Variants in IFIT3 observed in about 807,000 individuals in gnomAD.
IFIT3 encodes interferon induced protein with tetratricopeptide repeats 3.
In IFIT3, 2 loss-of-function variants were observed where a neutral mutation model predicts 2.4. The observed-to-expected ratio is 0.82, with a 90% CI of 0.34 to 2.60. The LOEUF is 2.60. Ranked by LOEUF, IFIT3 falls within the 30% of genes most tolerant of loss-of-function variation. IFIT3 has a pLI of 0.11. For synonymous variants in IFIT3, 203 were observed against 212.1 expected, an observed-to-expected ratio of 0.96 and a Z score of 0.37; for missense variants, 481 against 562.4, an observed-to-expected ratio of 0.86 and a Z score of 1.46.
At position 89,339,000 on chromosome 10, in the gene IFIT3, T is replaced by A; in HGVS notation, c.345T>A (p.Ile115=). 6.2e-7 allele frequency: 1 copy of A among 1,614,156 alleles called. No individual in the cohort carries two copies. Among genetic ancestry groups the A allele is most frequent in the Non-Finnish European group, 8.5e-7 (1 of 1,180,026 alleles). ...TGGGCAGACTCTCAGATGCTCAGATTTATGTAGATAAGGTGAAACAAACCT... is the reference window on the plus strand; with the variant it reads ...TGGGCAGACTCTCAGATGCTCAGATATATGTAGATAAGGTGAAACAAACCT... The part of the protein sequence containing the change: ...YHLGRLSDAQ[I]YVDKVKQTCK... The change falls in exon 2 of 2, where the codon ATT becomes ATA. Residue 115 remains isoleucine, a synonymous_variant. Transcript: ENST00000371818.
intron 1 of IFIT3, chr10:89,335,666 G>A (rs1006072978): frequency 7.7e-5 from 8 of 104,062 alleles, no homozygotes; most frequent in African/African-American, 3.1e-4. Flanking sequence ...AGGTCCACTG[G>A]ATACTCTCTA....
At position 89,340,121 on chromosome 10, in the gene IFIT3, T is replaced by A; in HGVS notation, c.1466T>A (p.Leu489Gln). The A allele has an allele frequency of 6.3e-7, 1 of 1,591,536 alleles. No individual in the cohort carries two copies. The highest frequency in any genetic ancestry group is 8.6e-7 in the Non-Finnish European group (1 of 1,167,812). Residue 489 changes from leucine to glutamine, a missense_variant, in exon 2 of 2, where the codon CTG becomes CAG. Transcript: ENST00000371818. ...GAGCTCCTCTCTAACTCAGAGCAAC[T>A]GAACTGAGACAGAGGAGGAAAACAG... is the stretch of plus-strand genomic sequence containing the variant. ...PRELLSNSEQ[L>Q]N
chr10:89,334,807 T>C (rs558066150), intron 1 of IFIT3, among the ~76,000 whole-genome samples: 3 of 152,232 alleles, frequency 2.0e-5, no homozygotes, highest in African/African-American at 7.2e-5. Context: ...CTGTTCTTTA[T>C]CAAGTGACTG....
rs2133572663 is a variant in IFIT3, at chr10:89,339,963, A to T, written c.1308A>T (p.Lys436Asn). ...ATGGAGATCTGCTGCAAGCAGCCAA[A>T]TGTTATGAGAAGGAACTGGGCCGCC... is the stretch of plus-strand genomic sequence containing the variant. ...KQNGDLLQAA[K>N]CYEKELGRLL... is the part of the protein sequence containing the mutation. Residue 436 changes from lysine to asparagine, a missense_variant, in exon 2 of 2, where the codon AAA becomes AAT. Lys to Asn is a moderately conservative substitution (Grantham distance 94, BLOSUM62 0). Transcript: ENST00000371818. 1 of 1,614,214 alleles carries T rather than the reference A, an allele frequency of 6.2e-7. No individual in the cohort carries two copies. The highest frequency in any genetic ancestry group is 1.6e-4 in the Middle Eastern group (1 of 6,062).
intron 1 of IFIT3, chr10:89,332,374 T>A (rs1007587681): frequency 2.4e-6 from 2 of 848,736 alleles, no homozygotes; most frequent in African/African-American, 3.5e-5. Flanking sequence ...CAAACCACAG[T>A]TTTCCAAATC....
intron 1 of IFIT3, among the ~76,000 whole-genome samples, chr10:89,335,009 C>CACAGCCACAGGAGG (rs1843713421): frequency 6.6e-6 from 1 of 152,038 alleles, no homozygotes; most frequent in Non-Finnish European, 1.5e-5. Context: ...TAATGAAAAC[C>CACAGCCACAGGAGG]TCCTGACCTG....
At chr10:89,328,244 C>CT (rs1564787022) in intron 1 of IFIT3, among the ~76,000 whole-genome samples, 166 bp downstream of exon 1, 1 of 152,094 alleles carries the variant, frequency 6.6e-6, no homozygotes, top group Admixed American at 6.6e-5. Flanking sequence ...TTCCCTGTGG[C>CT]TTTTTTTGGT....
chr10:89,336,239 G>A (rs544657447), intron 1 of IFIT3, among the ~76,000 whole-genome samples: 1 of 152,054 alleles, frequency 6.6e-6, no homozygotes, highest in African/African-American at 2.4e-5. Flanking sequence ...GGGAGGGAAA[G>A]AAGGAAGGAA....
At chr10:89,331,778 G>A (rs1843654290) in intron 1 of IFIT3, among the ~76,000 whole-genome samples, 1 of 149,898 alleles carries the variant, frequency 6.7e-6, no homozygotes, top group Non-Finnish European at 1.5e-5. Context: ...AGGATCGCTT[G>A]AGCCTGGGAG....
chr10:89,338,915 A>T lies in IFIT3; in HGVS notation c.260A>T (p.Asp87Val). ...GAGTTAATCCAGCAAGAACATGCTG[A>T]CCAAGCAGAAATCAGAAGTCTAGTC... ...AEELIQQEHA[D>V]QAEIRSLVTW... The change falls in exon 2 of 2, where the codon GAC becomes GTC. Residue 87 changes from aspartate (D) to valine (V), a missense_variant. Physicochemically the swap from Asp to Val is radical, Grantham distance 152. Transcript: ENST00000371818. 4.3e-6 allele frequency: 7 copies of T among 1,614,184 alleles called. No homozygotes were observed. Among genetic ancestry groups the T allele is most frequent in the Non-Finnish European group, 5.9e-6 (7 of 1,180,020 alleles).
At chr10:89,332,725 T>C in intron 1 of IFIT3, 1 of 1,213,454 alleles carries the variant, frequency 8.2e-7, no homozygotes, top group Non-Finnish European at 1.2e-6. Flanking sequence ...GAAATATGCA[T>C]TTATCTAATT....
At chr10:89,332,967 T>C (rs1489247195) in intron 1 of IFIT3, among the ~76,000 whole-genome samples, 1 of 152,214 alleles carries the variant, frequency 6.6e-6, no homozygotes, top group Non-Finnish European at 1.5e-5. Context: ...GTCTTTTGTT[T>C]CTTATATTTA....
chr10:89,339,073 T>A lies in IFIT3; in HGVS notation c.418T>A (p.Cys140Ser). 1 of 1,614,044 alleles carries A rather than the reference T, an allele frequency of 6.2e-7. No individual in the cohort carries two copies. Among genetic ancestry groups the A allele is most frequent in the East Asian group, 2.2e-5 (1 of 44,884 alleles). Reference protein sequence around the residue: ...PYSIEYSELDCEEGWTQLKCG... With the variant: ...PYSIEYSELDSEEGWTQLKCG... ...CAGTATTGAGTATTCTGAACTTGAC[T>A]GTGAGGAAGGGTGGACACAACTGAA... The change falls in exon 2 of 2, where the codon TGT (cysteine) becomes AGT (serine). Residue 140 changes from cysteine (C) to serine (S), a missense_variant. Transcript: ENST00000371818.
intron 1 of IFIT3, among the ~76,000 whole-genome samples, chr10:89,332,105 T>C (rs7910389): frequency 0.24 from 36,409 of 151,966 alleles, 4,581 homozygotes; most frequent in African/African-American, 0.29. Flanking sequence ...GTGGTGCACG[T>C]CTGTAATCCC....
chr10:89,328,240 G>T lies in IFIT3; in HGVS notation c.5+162G>T, dbSNP rs117905959. On this transcript the variant is annotated intron_variant, in intron 1 of 1. Transcript: ENST00000371818. ...TAAGATGTTTGAGGGGTTTTTCCCT[G>T]TGGCTTTTTTTGGTGTACACACAGG... 8.6e-3 allele frequency among the ~76,000 whole-genome samples: 1,307 copies of T among 152,320 alleles called. 7 individuals are homozygous for T. The highest frequency in any genetic ancestry group is 0.013 in the Non-Finnish European group (890 of 68,034).
chr10:89,330,288 CA>C (rs1843637003), intron 1 of IFIT3, among the ~76,000 whole-genome samples: 1 of 152,128 alleles, frequency 6.6e-6, no homozygotes, highest in Non-Finnish European at 1.5e-5. Context: ...TCTAGATGAC[CA>C]AAATGGGGCT....
intron 1 of IFIT3, among the ~76,000 whole-genome samples, chr10:89,330,510 G>C (rs1257603590): frequency 6.6e-6 from 1 of 152,308 alleles, no homozygotes; most frequent in South Asian, 2.1e-4. Flanking sequence ...AGCCTTTGAT[G>C]GTTACCCATG....
At chr10:89,328,870 CA>C (rs1323304902) in intron 1 of IFIT3, among the ~76,000 whole-genome samples, 1 of 152,012 alleles carries the variant, frequency 6.6e-6, no homozygotes, top group East Asian at 1.9e-4. Flanking sequence ...GGAAGGCTCC[CA>C]AAAGAATCTT....
In IFIT3 at chr10:89,338,945, G is replaced by A; in HGVS notation, c.290G>A (p.Trp97Ter). The A allele has an allele frequency of 1.2e-6, 2 of 1,614,118 alleles. No individual in the cohort carries two copies. Among genetic ancestry groups the A allele is most frequent in the Non-Finnish European group, 1.7e-6 (2 of 1,180,016 alleles). The change falls in exon 2 of 2, where the codon TGG becomes TAG. Residue 97 changes from tryptophan (W) to a stop codon, truncating the protein, a stop_gained. Coordinates refer to ENST00000371818, the MANE Select transcript of IFIT3 (RefSeq NM_001549.6). LOFTEE classifies it low-confidence loss of function (END_TRUNC). Reference protein sequence around the residue: ...DQAEIRSLVTWGNYAWVYYHL... With the variant: ...DQAEIRSLVT ...GCAGAAATCAGAAGTCTAGTCACTT[G>A]GGGAAACTACGCCTGGGTCTACTAT...
Sources: allele counts gnomAD v4.1 joint callset (sites outside exome capture counted in the v4.1 genomes callset), GRCh38; gene constraint gnomAD v4.1.1; transcripts MANE v1.5; gene names NCBI Gene and HGNC (gene_info 2026-07-23, HGNC 2026-07-21).